GON4L: variants seen among roughly 807,000 people sequenced by gnomAD.
The protein encoded by GON4L is GON-4-like protein.
A neutral mutation model predicts 211.8 loss-of-function variants in GON4L; 87 were observed. The ratio of observed to expected loss-of-function variants is 0.41; its 90% CI spans 0.35 to 0.49. GON4L has a LOEUF of 0.49. Ranked by LOEUF, GON4L falls within the 20% of genes least tolerant of loss-of-function variation. The pLI is 0.15. For missense variants in GON4L, 2,155 were observed against 2,659.5 expected, an observed-to-expected ratio of 0.81 and a Z score of 4.17; for synonymous variants, 875 against 962.6, an observed-to-expected ratio of 0.91 and a Z score of 1.68.
At chr1:155,745,331 T>A (rs1359616097), downstream of GON4L, among the ~76,000 whole-genome samples, 1 of 152,260 alleles carries the variant, frequency 6.6e-6, no homozygotes, top group Admixed American at 6.5e-5. Flanking sequence ...GCTAGGTCAG[T>A]CCACGGGGAT....
At chr1:155,764,426 A>ATTTTTTTTTTTTT (rs371568461) in intron 21 of GON4L, 2 of 139,566 alleles carry the variant, frequency 1.4e-5, no homozygotes, top group African/African-American at 3.2e-5. Flanking sequence ...GTTATTTACT[A>ATTTTTTTTTTTTT]TTTTTTTTTT....
At chr1:155,771,305 T>C in intron 18 of GON4L, 88 bp from the exon 19 acceptor site, 1 of 1,568,400 alleles carries the variant, frequency 6.4e-7, no homozygotes, top group South Asian at 1.1e-5. Context: ...CAATCTACTC[T>C]TTCATTTTTT....
intron 18 of GON4L, 145 bp downstream of exon 18, chr1:155,772,921 G>GCT (rs1663356203): frequency 2.0e-6 from 2 of 1,010,648 alleles, no homozygotes; most frequent in Admixed American, 3.8e-5. Flanking sequence ...GTCCTAGAGG[G>GCT]CTCTGCTCAT....
rs575881693 is a variant in GON4L, at chr1:155,767,662, C to A, written c.2647-121G>T. ...ACACACACACACACACACACACACA[C>A]AAGACCACATACACAAACATCCATG... On this transcript the variant is annotated intron_variant, in intron 19 of 31. Transcript: ENST00000368331. The A allele has an allele frequency of 1.3e-4, 192 of 1,492,070 alleles. No individual in the cohort carries two copies. The South Asian group carries it at 1.8e-3, about 14-fold the overall frequency. The allele number at this position is 1,492,070 out of a possible 1,614,324, so 92.4% of individuals were successfully genotyped here.
In GON4L at chr1:155,853,390, C is replaced by T. The variant is rs1417225255; in HGVS notation, c.391G>A (p.Gly131Arg). ...CCAGGCCTGAGTGTCATTTTTTTCCCTCTCTTTGAGCCAGTAGCGTGGAGT... is the reference window on the plus strand; with the variant it reads ...CCAGGCCTGAGTGTCATTTTTTTCCTTCTCTTTGAGCCAGTAGCGTGGAGT... The part of the protein sequence containing the change: ...GKLHATGSKR[G>R]KKMTLRPGPV... The change falls in exon 2 of 32, where the codon GGG becomes AGG. Residue 131 changes from glycine to arginine, a missense_variant. Gly to Arg is a moderately radical substitution (Grantham distance 125, BLOSUM62 -2). Around this residue, in one of 6 missense-constraint regions of GON4L, gnomAD observed 313 missense variants for 293.2 expected, o/e 1.07. Transcript: ENST00000368331. 1.9e-5 allele frequency: 30 copies of T among 1,614,020 alleles called. No homozygotes were observed. The highest frequency in any genetic ancestry group is 2.5e-5 in the Non-Finnish European group (30 of 1,180,026).
intron 11 of GON4L, among the ~76,000 whole-genome samples, chr1:155,801,659 G>T (rs1030901255): frequency 6.6e-6 from 1 of 152,072 alleles, no homozygotes; most frequent in Non-Finnish European, 1.5e-5. Flanking sequence ...AAGGAGGGTG[G>T]ATCACCTGAG....
chr1:155,785,193 A>G (rs1348935396), intron 13 of GON4L, 141 bp downstream of exon 13: 6 of 760,006 alleles, frequency 7.9e-6, no homozygotes, highest in African/African-American at 1.7e-5. Context: ...TTGTCATTAT[A>G]TTCTTTCCCA....
At position 155,765,603 on chromosome 1, in the gene GON4L, C is replaced by T; in HGVS notation, c.3870G>A (p.Trp1290Ter). The change falls in exon 21 of 32, where the codon TGG becomes TGA. Residue 1290 changes from tryptophan (W) to a stop codon, truncating the protein, a stop_gained. Transcript: ENST00000368331. LOFTEE classifies it high-confidence loss of function. Reference sequence around the variant, plus strand: ...TCCCCTCCTCTGTTTTCACAACGGTCCAGCGACAGGCACTATTCTCTGACA... The same window carrying T: ...TCCCCTCCTCTGTTTTCACAACGGTTCAGCGACAGGCACTATTCTCTGACA... ...EGLSENSACR[W>*]TVVKTEEGRQ... 1 of 1,614,110 alleles carries T rather than the reference C, an allele frequency of 6.2e-7. No homozygotes were observed. The highest frequency in any genetic ancestry group is 8.5e-7 in the Non-Finnish European group (1 of 1,179,994).
chr1:155,778,029 A>T (rs1664011052), intron 14 of GON4L, among the ~76,000 whole-genome samples: 1 of 152,170 alleles, frequency 6.6e-6, no homozygotes, highest in African/African-American at 2.4e-5. Context: ...TCTATATTAC[A>T]CTCTATCCCA....
intron 22 of GON4L, 73 bp from the exon 23 acceptor site, chr1:155,762,447 C>T: frequency 8.2e-7 from 1 of 1,222,910 alleles, no homozygotes; most frequent in Non-Finnish European, 1.2e-6. Context: ...CCACATGCAC[C>T]ACCCCAGCCA....
At position 155,756,890 on chromosome 1, in the gene GON4L, C is replaced by T. The variant is rs182274287; in HGVS notation, c.5517+68G>A. The T allele has an allele frequency of 1.9e-4, 228 of 1,222,758 alleles. 1 individual carries two copies. The African/African-American group carries it at 2.9e-3, about 16-fold the overall frequency. 75.7% of individuals were successfully genotyped at this position (1,222,758 alleles called of 1,614,324 possible). A position where few individuals can be genotyped will look rare whatever the true frequency, so the allele number is the denominator to read the frequency against. Reference sequence around the variant, plus strand: ...GTTGCAGTGAGCCAAGATTACGCCACTGCACTCTAGTTTGGGTGACAGAGC... The same window carrying T: ...GTTGCAGTGAGCCAAGATTACGCCATTGCACTCTAGTTTGGGTGACAGAGC... On this transcript the variant is annotated intron_variant, in intron 27 of 31. Coordinates refer to ENST00000368331, the MANE Select transcript of GON4L (RefSeq NM_001282860.2).
intron 12 of GON4L, among the ~76,000 whole-genome samples, chr1:155,793,037 C>T (rs1201737257): frequency 6.6e-6 from 1 of 152,054 alleles, no homozygotes; most frequent in Non-Finnish European, 1.5e-5. Flanking sequence ...CTCCCAAGTG[C>T]CGGGATTATA....
Position 155,765,260 on chromosome 1 carries a change from C to T in GON4L, c.4213G>A (p.Asp1405Asn). Reference sequence around the variant, plus strand: ...TTCTTTGATGATCCTTTGTTCACATCTGTCCCTGAGGTTCCTTCATCAGGG... The same window carrying T: ...TTCTTTGATGATCCTTTGTTCACATTTGTCCCTGAGGTTCCTTCATCAGGG... ...EPPDEGTSGTDVNKGSSKNAL... is the reference protein window; with the variant it reads ...EPPDEGTSGTNVNKGSSKNAL... The change falls in exon 21 of 32, where the codon GAT becomes AAT. Residue 1405 changes from aspartate (D) to asparagine (N), a missense_variant. By Grantham distance (23) the Asp-to-Asn change is conservative (BLOSUM62 1). Transcript: ENST00000368331. 6.2e-7 allele frequency: 1 copy of T among 1,614,192 alleles called. No homozygotes were observed. The highest frequency in any genetic ancestry group is 8.5e-7 in the Non-Finnish European group (1 of 1,180,018).
chr1:155,784,223 G>A, intron 13 of GON4L, 134 bp from the exon 14 acceptor site: 1 of 1,254,950 alleles, frequency 8.0e-7, no homozygotes, highest in East Asian at 2.5e-5. Flanking sequence ...GCCAATGTCA[G>A]AACTTTCTCA....
At chr1:155,797,549 A>G (rs1370097975) in intron 11 of GON4L, among the ~76,000 whole-genome samples, 3 of 151,358 alleles carry the variant, frequency 2.0e-5, no homozygotes, top group Non-Finnish European at 4.4e-5. Flanking sequence ...ATAAACAGAC[A>G]TATACAGCCT....
At chr1:155,822,628 C>T (rs1668835526) in intron 3 of GON4L, 152 bp from the exon 4 acceptor site, 2 of 689,684 alleles carry the variant, frequency 2.9e-6, no homozygotes, top group Non-Finnish European at 5.2e-6. Flanking sequence ...GACGGTATAA[C>T]AAGTATAGAA....
At position 155,751,762 on chromosome 1, in the gene GON4L, C is replaced by A; in HGVS notation, c.6576+5G>T. 3 of 1,603,266 alleles carry A rather than the reference C, an allele frequency of 1.9e-6. No homozygotes were observed. The highest frequency in any genetic ancestry group is 2.6e-6 in the Non-Finnish European group (3 of 1,171,394). The stretch of plus-strand genomic sequence containing the variant: ...TGCCAGGTCTTCACCCCAACCCGCA[C>A]CTACCTCAGCAGGGGTCTTATTTCC... On this transcript the variant is annotated splice_donor_5th_base_variant and intron_variant, in intron 31 of 31. Coordinates refer to ENST00000368331, the MANE Select transcript of GON4L (RefSeq NM_001282860.2).
At chr1:155,773,255 G>A (rs1160476731) in intron 17 of GON4L, 45 bp from the exon 18 acceptor site, 9 of 1,610,300 alleles carry the variant, frequency 5.6e-6, no homozygotes, top group Non-Finnish European at 7.6e-6. Flanking sequence ...TAGGACAAAA[G>A]AGGGCTTCAT....
intron 12 of GON4L, among the ~76,000 whole-genome samples, chr1:155,793,949 TATC>T (rs1665845908): frequency 6.6e-6 from 1 of 152,074 alleles, no homozygotes; most frequent in Non-Finnish European, 1.5e-5. Flanking sequence ...CAAGCTAAGT[TATC>T]ATAATTGTTT....
Sources: gnomAD v4.1 joint callset for allele counts (sites outside exome capture counted in the v4.1 genomes callset) on GRCh38, gnomAD v4.1.1 for gene constraint, gnomAD v4.1.1 regional missense constraint, MANE v1.5 for transcripts, NCBI Gene and HGNC (gene_info 2026-07-23, HGNC 2026-07-21) for gene names.